GDPGP1: variants seen among roughly 807,000 people sequenced by gnomAD.
GDPGP1 encodes GDP-D-glucose phosphorylase C15orf58.
In GDPGP1, 18 loss-of-function variants were observed where a neutral mutation model predicts 19.2. That is an observed-to-expected ratio of 0.94 (90% CI 0.65 to 1.39). GDPGP1 has a LOEUF of 1.39. GDPGP1 is among the 40% of genes most tolerant of loss of function. The pLI, the probability that GDPGP1 is intolerant of heterozygous loss-of-function variation, is 0.00. For synonymous variants in GDPGP1, 219 were observed against 208.9 expected, an observed-to-expected ratio of 1.05 and a Z score of -0.42; for missense variants, 449 against 490.5, an observed-to-expected ratio of 0.92 and a Z score of 0.80.
chr15:90,239,290 T>C (rs1962699593), intron 3 of GDPGP1, among the ~76,000 whole-genome samples: 1 of 145,558 alleles, frequency 6.9e-6, no homozygotes, highest in African/African-American at 2.6e-5. Context: ...ATAGTTGATC[T>C]ATATGAGACA....
rs199729244 is a variant in GDPGP1, at chr15:90,241,613, C to T, written c.705C>T (p.Ser235=). ...GACTGCCCGTGGAGCAGGCGCCAAG[C>T]GAGCCCCTGGACCCTGGAGGCCATT... ...AHRLPVEQAP[S]EPLDPGGHLH... is the part of the protein sequence containing the mutation. The change falls in exon 4 of 4, where the codon AGC becomes AGT. Residue 235 remains serine, a synonymous_variant. Coordinates refer to ENST00000329600, the MANE Select transcript of GDPGP1 (RefSeq NM_001013657.3). The T allele has an allele frequency of 2.5e-5, 41 of 1,613,840 alleles. No homozygotes were observed. The highest frequency in any genetic ancestry group is 3.3e-4 in the Middle Eastern group (2 of 6,084).
intron 2 of GDPGP1, among the ~76,000 whole-genome samples, chr15:90,235,561 C>A (rs995209817): frequency 6.6e-6 from 1 of 151,990 alleles, no homozygotes; most frequent in Non-Finnish European, 1.5e-5. Context: ...CCCATCCCAA[C>A]CTGATCATTT....
At chr15:90,234,484 C>G (rs1464670288) in intron 1 of GDPGP1, 38 bp from the exon 2 acceptor site, 1 of 152,310 alleles carries the variant, frequency 6.6e-6, no homozygotes, top group Non-Finnish European at 1.5e-5. Flanking sequence ...CCCAAGCCAC[C>G]TCTTCCAGAA....
intron 2 of GDPGP1, among the ~76,000 whole-genome samples, chr15:90,236,870 C>G (rs748331437): frequency 6.6e-6 from 1 of 152,104 alleles, no homozygotes; most frequent in Admixed American, 6.6e-5. Flanking sequence ...TGGTAGTCCT[C>G]GGTGAATCTG....
At position 90,245,495 on chromosome 15, in the gene GDPGP1, AC is replaced by A. The variant is rs1420713543; in HGVS notation, c.*3430del. The A allele has an allele frequency of 6.6e-6, 1 of 151,998 alleles. No homozygotes were observed. The highest frequency in any genetic ancestry group is 1.5e-5 in the Non-Finnish European group (1 of 67,994). 9.4% of individuals were successfully genotyped at this position (151,998 alleles called of 1,614,324 possible). ...CTCAAAAAAAAAAAAAAAGAAAAAA[AC>A]AGTTTACCATTCTATCAGAAAATGT... On this transcript the variant is annotated 3_prime_UTR_variant, in exon 4 of 4. Transcript: ENST00000329600.
rs533978041 is a variant in GDPGP1 at position 90,245,532 on chromosome 15, CAT to C, written c.*3469_*3470del. 66 of 151,958 alleles carry C rather than the reference CAT, an allele frequency of 4.3e-4. No homozygotes were observed. Among genetic ancestry groups the C allele is most frequent in the African/African-American group, 1.4e-3 (60 of 41,478 alleles). 9.4% of individuals were successfully genotyped at this position (151,958 alleles called of 1,614,324 possible). ...TCTATCAGAAAATGTTGACCACCCT[CAT>C]ATTTTTGGTAAACTGCAGTAATTTT... is the stretch of plus-strand genomic sequence containing the variant. On this transcript the variant is annotated 3_prime_UTR_variant, in exon 4 of 4. Coordinates refer to ENST00000329600, the MANE Select transcript of GDPGP1 (RefSeq NM_001013657.3).
chr15:90,241,268 C>T lies in GDPGP1; in HGVS notation c.360C>T (p.Asp120=). ...TCAAGAGTGTGAGGCAGGCATTTGACCCTGTACAGTTCAACTTCAACAAGA... is the reference window on the plus strand; with the variant it reads ...TCAAGAGTGTGAGGCAGGCATTTGATCCTGTACAGTTCAACTTCAACAAGA... ...QTIKSVRQAF[D]PVQFNFNKIR... Residue 120 remains aspartate, a synonymous_variant, in exon 4 of 4, where the codon GAC becomes GAT. Transcript: ENST00000329600. 1.2e-6 allele frequency: 2 copies of T among 1,614,164 alleles called. No individual in the cohort carries two copies. Among genetic ancestry groups the T allele is most frequent in the Non-Finnish European group, 1.7e-6 (2 of 1,180,024 alleles).
chr15:90,236,524 A>G (rs1172066464), intron 2 of GDPGP1, among the ~76,000 whole-genome samples: 1 of 152,066 alleles, frequency 6.6e-6, no homozygotes, highest in Non-Finnish European at 1.5e-5. Flanking sequence ...CATTTGGCAT[A>G]TTTCTCATTG....
intron 3 of GDPGP1, among the ~76,000 whole-genome samples, chr15:90,240,435 G>GA (rs1278007113): frequency 6.6e-5 from 10 of 152,236 alleles, no homozygotes; most frequent in Non-Finnish European, 8.8e-5. Context: ...TTGAACCCAG[G>GA]AGGTGGAGGT....
chr15:90,240,011 G>A (rs1962718515), intron 3 of GDPGP1, among the ~76,000 whole-genome samples: 1 of 152,028 alleles, frequency 6.6e-6, no homozygotes, highest in Non-Finnish European at 1.5e-5. Flanking sequence ...ATCACCTGAG[G>A]TCAGGAGTTC....
At position 90,244,670 on chromosome 15, in the gene GDPGP1, A is replaced by G. The variant is rs4932168; in HGVS notation, c.*2604A>G. The G allele has an allele frequency of 0.53, 79,710 of 151,646 alleles. 22,440 individuals carry two copies. Among genetic ancestry groups the G allele is most frequent in the African/African-American group, 0.72 (29,584 of 41,282 alleles). The allele number at this position is 151,646 out of a possible 1,614,324, so 9.4% of individuals were successfully genotyped here. On this transcript the variant is annotated 3_prime_UTR_variant, in exon 4 of 4. Coordinates refer to ENST00000329600, the MANE Select transcript of GDPGP1 (RefSeq NM_001013657.3). ...AAACCCCATCTCTACTAAAAATACA[A>G]AAATTAGGCGTTGTGGCGGCCACCT...
intron 2 of GDPGP1, among the ~76,000 whole-genome samples, chr15:90,237,430 T>C (rs1299209448): frequency 6.6e-6 from 1 of 151,580 alleles, no homozygotes; most frequent in African/African-American, 2.4e-5. Flanking sequence ...TACAGGTGTG[T>C]GCCCACCACC....
At chr15:90,240,626 A>G (rs1244156173) in intron 3 of GDPGP1, among the ~76,000 whole-genome samples, 1 of 152,158 alleles carries the variant, frequency 6.6e-6, no homozygotes, top group Non-Finnish European at 1.5e-5. Flanking sequence ...CAGCCTGGCC[A>G]ACATGGTGAA....
intron 2 of GDPGP1, among the ~76,000 whole-genome samples, chr15:90,235,712 C>T (rs775881587): frequency 6.6e-6 from 1 of 151,846 alleles, no homozygotes. Flanking sequence ...GGACTACAGG[C>T]ACCCGCCACC....
intron 2 of GDPGP1, among the ~76,000 whole-genome samples, chr15:90,238,227 G>C (rs897404635): frequency 1.3e-5 from 2 of 152,186 alleles, no homozygotes; most frequent in African/African-American, 4.8e-5. Flanking sequence ...TTGAACCTGG[G>C]TGGTGGAGGT....
At position 90,245,008 on chromosome 15, in the gene GDPGP1, C is replaced by G. The variant is rs1596181685; in HGVS notation, c.*2942C>G. The G allele has an allele frequency of 6.6e-6, 1 of 152,414 alleles. No homozygotes were observed. Among genetic ancestry groups the G allele is most frequent in the African/African-American group, 2.4e-5 (1 of 41,554 alleles). 9.4% of individuals were successfully genotyped at this position (152,414 alleles called of 1,614,324 possible). On this transcript the variant is annotated 3_prime_UTR_variant, in exon 4 of 4. Coordinates refer to ENST00000329600, the MANE Select transcript of GDPGP1 (RefSeq NM_001013657.3). ...CCCAGGAGGGGTTTTGATTTCTCTGCCTCCCAAACTGTGGGTCCTAGCCCT... is the reference window on the plus strand; with the variant it reads ...CCCAGGAGGGGTTTTGATTTCTCTGGCTCCCAAACTGTGGGTCCTAGCCCT...
At chr15:90,239,076 T>C (rs1448268492) in intron 3 of GDPGP1, among the ~76,000 whole-genome samples, 2 of 152,166 alleles carry the variant, frequency 1.3e-5, no homozygotes, top group Admixed American at 6.5e-5. Context: ...ATTGCCACAT[T>C]GTGTATAATA....
chr15:90,241,880 C>G lies in GDPGP1; in HGVS notation c.972C>G (p.Asp324Glu). Residue 324 changes from aspartate to glutamate, a missense_variant, in exon 4 of 4, where the codon GAC becomes GAG. By Grantham distance (45) the Asp-to-Glu change is conservative. Coordinates refer to ENST00000329600, the MANE Select transcript of GDPGP1 (RefSeq NM_001013657.3). ...WARKSSFGIKDGEAFNVALCE... is the reference protein window; with the variant it reads ...WARKSSFGIKEGEAFNVALCE... ...GGAAGTCCAGCTTTGGGATAAAGGA[C>G]GGTGAAGCTTTCAATGTTGCCCTCT... 6.2e-7 allele frequency: 1 copy of G among 1,614,092 alleles called. No individual in the cohort carries two copies. The highest frequency in any genetic ancestry group is 8.5e-7 in the Non-Finnish European group (1 of 1,180,016).
At chr15:90,234,850 T>A (rs1962598698) in intron 2 of GDPGP1, among the ~76,000 whole-genome samples, 1 of 152,176 alleles carries the variant, frequency 6.6e-6, no homozygotes, top group African/African-American at 2.4e-5. Context: ...CAGTAAATAT[T>A]ATCGAATGCA....
Sources: allele counts gnomAD v4.1 joint callset (sites outside exome capture counted in the v4.1 genomes callset), GRCh38; gene constraint gnomAD v4.1.1; transcripts MANE v1.5; gene names NCBI Gene and HGNC (gene_info 2026-07-23, HGNC 2026-07-21).